PMM1: variants seen among roughly 807,000 people sequenced by gnomAD.
PMM1 encodes phosphomannomutase 1.
Under a neutral mutation model 34.0 loss-of-function variants are expected in PMM1, and 25 were observed. The observed-to-expected ratio is 0.73, with a 90% CI of 0.54 to 1.03. PMM1 has a LOEUF of 1.03. PMM1 is among the 50% of genes least tolerant of loss of function. PMM1 has a pLI of 0.00. For synonymous variants in PMM1, 134 were observed against 143.9 expected, an observed-to-expected ratio of 0.93 and a Z score of 0.49; for missense variants, 321 against 350.1, an observed-to-expected ratio of 0.92 and a Z score of 0.66.
chr22:41,578,000 C>A, intron 6 of PMM1, 77 bp from the exon 7 acceptor site: 1 of 1,089,594 alleles, frequency 9.2e-7, no homozygotes. Context: ...CTTGTTCATT[C>A]ATTCATTCAA....
At position 41,584,346 on chromosome 22, in the gene PMM1, C is replaced by T; in HGVS notation, c.309G>A (p.Glu103=). ...KQTIQNHLGE[E]LLQDLINFCL... ...AGAAGTTGATCAAGTCCTGCAGCAGCTCCTCCCCCAGGTGGTTCTGGATGG... is the reference window on the plus strand; with the variant it reads ...AGAAGTTGATCAAGTCCTGCAGCAGTTCCTCCCCCAGGTGGTTCTGGATGG... The change falls in exon 4 of 8, where the codon GAG becomes GAA. Residue 103 remains glutamate (E), a synonymous_variant. Transcript: ENST00000216259. 1 of 1,614,144 alleles carries T rather than the reference C, an allele frequency of 6.2e-7. No individual in the cohort carries two copies. The highest frequency in any genetic ancestry group is 8.5e-7 in the Non-Finnish European group (1 of 1,180,012).
chr22:41,589,480 T>C (rs1355358251), intron 1 of PMM1: 5 of 588,582 alleles, frequency 8.5e-6, no homozygotes, highest in Non-Finnish European at 1.2e-5. Context: ...CCTCCAGTAC[T>C]GGATCCAACC....
At position 41,577,366 on chromosome 22, in the gene PMM1, C is replaced by T. The variant is rs201383821; in HGVS notation, c.741G>A (p.Val247=). 47 of 1,612,938 alleles carry T rather than the reference C, an allele frequency of 2.9e-5. No individual in the cohort carries two copies. The highest frequency in any genetic ancestry group is 4.0e-5 in the African/African-American group (3 of 74,944). Residue 247 remains valine, a synonymous_variant, in exon 8 of 8, where the codon GTG becomes GTA. Transcript: ENST00000216259. ...GHSVVSPQDT[V]QRCREIFFPE... ...GGAAGAAAATCTCCCGGCATCGCTG[C>T]ACCGTGTCCTGAGGAGACACCACGC...
At chr22:41,584,660 C>T (rs2067287999) in intron 2 of PMM1, 57 bp from the exon 3 acceptor site, 1 of 1,307,814 alleles carries the variant, frequency 7.6e-7, no homozygotes. Flanking sequence ...CGTCTGTGAC[C>T]CCACGGGCAA....
intron 5 of PMM1, among the ~76,000 whole-genome samples, chr22:41,582,877 G>A (rs144984585): frequency 3.2e-4 from 49 of 152,308 alleles, no homozygotes; most frequent in South Asian, 1.2e-3. Flanking sequence ...AGCATGGAAA[G>A]GTCTGGATGG....
At chr22:41,589,390 G>A (rs1472907530) in intron 1 of PMM1, 14 of 481,804 alleles carry the variant, frequency 2.9e-5, no homozygotes, top group Non-Finnish European at 4.6e-5. Flanking sequence ...AGGAGGCGGG[G>A]GCGTCCGTGA....
intron 5 of PMM1, among the ~76,000 whole-genome samples, chr22:41,581,125 A>AC (rs1422548382): frequency 1.3e-5 from 2 of 150,574 alleles, no homozygotes; most frequent in Admixed American, 6.6e-5. Context: ...AAAAAAAAAA[A>AC]AAAAAAAAAA....
intron 1 of PMM1, 73 bp from the exon 2 acceptor site, chr22:41,586,266 GTGCTGAGA>G (rs2067306831): frequency 1.3e-6 from 2 of 1,587,326 alleles, no homozygotes; most frequent in South Asian, 2.2e-5. Flanking sequence ...CCCTCACTTA[GTGCTGAGA>G]ACCCAGGAAG....
At chr22:41,582,736 T>C (rs1035411674) in intron 5 of PMM1, among the ~76,000 whole-genome samples, 1 of 152,008 alleles carries the variant, frequency 6.6e-6, no homozygotes, top group Non-Finnish European at 1.5e-5. Context: ...AGGGACGAGC[T>C]GGGCCTGAGA....
rs1441538557 is a variant in PMM1, at chr22:41,584,325, G to T, written c.330C>A (p.Asn110Lys). ...GCAGGGCCATGTAGCTGAGGCAGAA[G>T]TTGATCAAGTCCTGCAGCAGCTCCT... is the stretch of plus-strand genomic sequence containing the variant. ...LGEELLQDLI[N>K]FCLSYMALLR... Residue 110 changes from asparagine to lysine, a missense_variant, in exon 4 of 8, where the codon AAC (asparagine) becomes AAA (lysine). Coordinates refer to ENST00000216259, the MANE Select transcript of PMM1 (RefSeq NM_002676.3). 6.2e-7 allele frequency: 1 copy of T among 1,614,044 alleles called. No homozygotes were observed. Among genetic ancestry groups the T allele is most frequent in the Non-Finnish European group, 8.5e-7 (1 of 1,180,018 alleles).
intron 5 of PMM1, among the ~76,000 whole-genome samples, chr22:41,582,294 C>T (rs905597780): frequency 1.3e-5 from 2 of 152,050 alleles, no homozygotes; most frequent in African/African-American, 4.8e-5. Context: ...CCCATCCCTA[C>T]AAAATATTTT....
At chr22:41,584,661 C>A (rs1348274334) in intron 2 of PMM1, 58 bp from the exon 3 acceptor site, 1 of 1,304,052 alleles carries the variant, frequency 7.7e-7, no homozygotes, top group Non-Finnish European at 1.1e-6. Context: ...GTCTGTGACC[C>A]CACGGGCAAG....
intron 5 of PMM1, among the ~76,000 whole-genome samples, chr22:41,582,538 C>T (rs774485616): frequency 6.6e-6 from 1 of 152,178 alleles, no homozygotes; most frequent in Admixed American, 6.5e-5. Context: ...GCAGAAATCC[C>T]TCATGGAGCT....
At chr22:41,588,564 A>C in intron 1 of PMM1, 5 of 771,574 alleles carry the variant, frequency 6.5e-6, no homozygotes, top group Non-Finnish European at 7.9e-6. Flanking sequence ...CATGTTAGCC[A>C]GACTGATCTA....
At position 41,586,461 on chromosome 22, in the gene PMM1, G is replaced by GAA; in HGVS notation, c.88-270_88-269dup. ...CAGCAAAGGAAGACATTGTCTCTAT[G>GAA]AAAAAAAAAATTTTTTTGGAGACGA... is the stretch of plus-strand genomic sequence containing the variant. On this transcript the variant is annotated intron_variant, in intron 1 of 7. Transcript: ENST00000216259. 52 of 475,406 alleles carry GAA rather than the reference G, an allele frequency of 1.1e-4. No individual in the cohort carries two copies. In the East Asian group the frequency reaches 2.2e-3, roughly 20 times the overall value. The allele number at this position is 475,406 out of a possible 1,614,324, so 29.4% of individuals were successfully genotyped here. A position where few individuals can be genotyped will look rare whatever the true frequency, so the allele number is the denominator to read the frequency against.
chr22:41,584,557 C>T lies in PMM1; in HGVS notation c.252G>A (p.Gln84=). ...TGGAGAGCAGTCGTCCGTGCTTATA[C>T]TGCACCGTCCCGTTCTCGGCAAACA... ...DYVFAENGTV[Q]YKHGRLLSKQ... Residue 84 remains glutamine (Q), a synonymous_variant, in exon 3 of 8, where the codon CAG becomes CAA. Transcript: ENST00000216259. The T allele has an allele frequency of 1.9e-6, 3 of 1,613,954 alleles. No homozygotes were observed. Among genetic ancestry groups the T allele is most frequent in the Non-Finnish European group, 2.5e-6 (3 of 1,179,912 alleles).
At chr22:41,589,139 A>G in intron 1 of PMM1, 1 of 1,303,868 alleles carries the variant, frequency 7.7e-7, no homozygotes, top group Non-Finnish European at 1.0e-6. Context: ...AACGAATTTG[A>G]AAAGAAGCCC....
intron 5 of PMM1, among the ~76,000 whole-genome samples, chr22:41,581,002 C>A (rs928551179): frequency 4.0e-5 from 6 of 150,982 alleles, no homozygotes; most frequent in East Asian, 2.0e-4. Context: ...GTAGTCCCAG[C>A]TACTTGGGAG....
In PMM1 at chr22:41,577,270, C is replaced by G. The variant is rs1196660593; in HGVS notation, c.*48G>C. The G allele has an allele frequency of 6.2e-7, 1 of 1,610,744 alleles. No homozygotes were observed. The highest frequency in any genetic ancestry group is 1.7e-5 in the Admixed American group (1 of 60,014). ...TCCAACACCAGGACCTCTCTTTAGG[C>G]CTAGGCCAAACTCTTCAGAAGTCAC... On this transcript the variant is annotated 3_prime_UTR_variant, in exon 8 of 8. Coordinates refer to ENST00000216259, the MANE Select transcript of PMM1 (RefSeq NM_002676.3).
Sources: gnomAD v4.1 joint callset for allele counts (sites outside exome capture counted in the v4.1 genomes callset) on GRCh38, gnomAD v4.1.1 for gene constraint, MANE v1.5 for transcripts, NCBI Gene and HGNC (gene_info 2026-07-23, HGNC 2026-07-21) for gene names.